The following FMN2 variants were observed in gnomAD, a reference collection of about 807,000 sequenced individuals.
The protein encoded by FMN2 is formin-2.
A neutral mutation model predicts 142.3 loss-of-function variants in FMN2; 51 were observed. The observed-to-expected ratio is 0.36, with a 90% CI of 0.29 to 0.45. The LOEUF (loss-of-function observed/expected upper bound fraction) is 0.45. Ranked by LOEUF, FMN2 falls within the 20% of genes least tolerant of loss-of-function variation. FMN2 has a pLI of 1.00. For missense variants in FMN2, 1,936 were observed against 2,122.8 expected (o/e 0.91, Z 1.73); for synonymous variants, 882 against 869.8 (o/e 1.01, Z -0.25).
chr1:240,121,424 G>A (rs1260681498), intron 1 of FMN2, among the ~76,000 whole-genome samples: 1 of 148,802 alleles, frequency 6.7e-6, no homozygotes, highest in Non-Finnish European at 1.5e-5. Context: ...TCGCTAGGCT[G>A]GAGTGCAGTG....
chr1:240,461,378 G>C (rs916807739), intron 16 of FMN2, among the ~76,000 whole-genome samples: 7 of 152,110 alleles, frequency 4.6e-5, no homozygotes, highest in Non-Finnish European at 5.9e-5. Context: ...AGCTCTCCTA[G>C]CTCTGCATTT....
At chr1:240,438,274 G>A (rs1440131604) in intron 16 of FMN2, 64 bp downstream of exon 16, 1 of 1,526,922 alleles carries the variant, frequency 6.5e-7, no homozygotes, top group Non-Finnish European at 8.8e-7. Context: ...TGGCACCACT[G>A]GGTTGCCAAT....
chr1:240,173,292 A>G (rs952631121), intron 2 of FMN2, among the ~76,000 whole-genome samples: 3 of 152,134 alleles, frequency 2.0e-5, no homozygotes, highest in Admixed American at 6.6e-5. Context: ...GAGATTTACA[A>G]GACCTGTGTC....
At chr1:240,316,912 G>C (rs67530721) in intron 8 of FMN2, among the ~76,000 whole-genome samples, 31,564 of 151,942 alleles carry the variant, frequency 0.21, 3,543 homozygotes, top group Admixed American at 0.33. Flanking sequence ...CACCAATTTT[G>C]CATGCACTCC....
intron 14 of FMN2, among the ~76,000 whole-genome samples, chr1:240,371,428 G>A (rs1672861635): frequency 1.3e-5 from 2 of 152,158 alleles, no homozygotes; most frequent in African/African-American, 4.8e-5. Flanking sequence ...TTGTGTTCTT[G>A]TAGCTGAACC....
At chr1:240,287,568 T>C (rs752450816) in intron 7 of FMN2, among the ~76,000 whole-genome samples, 2 of 152,224 alleles carry the variant, frequency 1.3e-5, no homozygotes, top group Non-Finnish European at 2.9e-5. Flanking sequence ...TTTAGTCTTC[T>C]ATGTTACTAT....
At chr1:240,425,764 G>A (rs1037868075) in intron 15 of FMN2, among the ~76,000 whole-genome samples, 2 of 152,206 alleles carry the variant, frequency 1.3e-5, no homozygotes, top group Non-Finnish European at 2.9e-5. Flanking sequence ...GAGGGAGAAC[G>A]TGGTGAATGG....
intron 13 of FMN2, among the ~76,000 whole-genome samples, chr1:240,353,971 A>G (rs1364265033): frequency 6.6e-6 from 1 of 152,174 alleles, no homozygotes; most frequent in Non-Finnish European, 1.5e-5. Flanking sequence ...TTGAGTCTGC[A>G]GAAGATATCA....
chr1:240,201,424 C>T (rs1666116231), intron 4 of FMN2, among the ~76,000 whole-genome samples: 1 of 152,228 alleles, frequency 6.6e-6, no homozygotes, highest in South Asian at 2.1e-4. Context: ...TTTGTGAGCA[C>T]CTCGTGGAGT....
At chr1:240,285,846 G>A (rs958042561) in intron 7 of FMN2, among the ~76,000 whole-genome samples, 5 of 152,134 alleles carry the variant, frequency 3.3e-5, no homozygotes, top group African/African-American at 1.2e-4. Context: ...GGGACAACAA[G>A]TATTGACGAC....
At chr1:240,129,728 C>T (rs1382640466) in intron 2 of FMN2, among the ~76,000 whole-genome samples, 1 of 152,036 alleles carries the variant, frequency 6.6e-6, no homozygotes, top group East Asian at 1.9e-4. Context: ...GTCTCGAACT[C>T]CTGACCTCAA....
chr1:240,408,606 T>G (rs1674291987), intron 15 of FMN2, among the ~76,000 whole-genome samples: 1 of 152,194 alleles, frequency 6.6e-6, no homozygotes, highest in African/African-American at 2.4e-5. Context: ...CAATGATGGT[T>G]GAAAGTATAG....
At chr1:240,329,838 T>G (rs116438312) in intron 10 of FMN2, among the ~76,000 whole-genome samples, 1,680 of 152,012 alleles carry the variant, frequency 0.011, 31 homozygotes, top group African/African-American at 0.037. Context: ...TGGAAGGACC[T>G]CTCCACAAAC....
At chr1:240,432,089 CAAAT>C (rs1420931172) in intron 15 of FMN2, among the ~76,000 whole-genome samples, 1 of 151,774 alleles carries the variant, frequency 6.6e-6, no homozygotes, top group Non-Finnish European at 1.5e-5. Flanking sequence ...ACTTGTGAAA[CAAAT>C]AGGGTCAGAA....
At chr1:240,175,556 G>A (rs765897577) in intron 2 of FMN2, among the ~76,000 whole-genome samples, 39 of 152,094 alleles carry the variant, frequency 2.6e-4, no homozygotes, top group Admixed American at 2.0e-3. Context: ...GTGTAGTGGC[G>A]TGATCATGGC....
At chr1:240,470,138 T>C (rs1360926549) in intron 16 of FMN2, among the ~76,000 whole-genome samples, 2 of 150,500 alleles carry the variant, frequency 1.3e-5, no homozygotes, top group Non-Finnish European at 2.9e-5. Context: ...TTTATTGGAA[T>C]GCCACAAAAT....
At chr1:240,184,873 A>C (rs956962680) in intron 3 of FMN2, among the ~76,000 whole-genome samples, 1 of 151,870 alleles carries the variant, frequency 6.6e-6, no homozygotes, top group African/African-American at 2.4e-5. Context: ...TTACTGGTAC[A>C]TCAATTTCTC....
intron 1 of FMN2, among the ~76,000 whole-genome samples, chr1:240,115,025 G>A (rs892397955): frequency 6.6e-6 from 1 of 152,116 alleles, no homozygotes; most frequent in Admixed American, 6.5e-5. Context: ...CACTAGGTAT[G>A]GTTGTTACCC....
intron 6 of FMN2, among the ~76,000 whole-genome samples, chr1:240,237,244 G>A (rs950576418): frequency 3.9e-5 from 6 of 152,124 alleles, no homozygotes; most frequent in South Asian, 2.1e-4. Flanking sequence ...GTTCTTGTGC[G>A]GATAATTAAC....
Sources: gnomAD v4.1 joint callset for allele counts (sites outside exome capture counted in the v4.1 genomes callset) on GRCh38, gnomAD v4.1.1 for gene constraint, MANE v1.5 for transcripts, NCBI Gene and HGNC (gene_info 2026-07-23, HGNC 2026-07-21) for gene names.